The following SOHLH2 variants were observed in gnomAD, a reference collection of about 807,000 sequenced individuals.
SOHLH2 encodes spermatogenesis and oogenesis specific basic helix-loop-helix 2, also known as spermatogenesis- and oogenesis-specific basic helix-loop-helix-containing protein 2.
In SOHLH2, 22 loss-of-function variants were observed where a neutral mutation model predicts 50.4. The ratio of observed to expected loss-of-function variants is 0.44; its 90% CI spans 0.31 to 0.62. SOHLH2 has a LOEUF of 0.62. Ranked by LOEUF, SOHLH2 falls within the 20% of genes least tolerant of loss-of-function variation. The pLI is 0.08. For synonymous variants in SOHLH2, 185 were observed against 187.3 expected, an observed-to-expected ratio of 0.99 and a Z score of 0.10; for missense variants, 412 against 504.4, an observed-to-expected ratio of 0.82 and a Z score of 1.76.
At position 36,174,709 on chromosome 13, in the gene SOHLH2, G is replaced by C. The variant is rs761246246; in HGVS notation, c.789+13C>G. Reference sequence around the variant, plus strand: ...CTATAAGGATAAAATTCAAAGCTTTGGGAGTCAAATACCTGGGCCATAACG... The same window carrying C: ...CTATAAGGATAAAATTCAAAGCTTTCGGAGTCAAATACCTGGGCCATAACG... On this transcript the variant is annotated intron_variant, in intron 7 of 10. Coordinates refer to ENST00000379881, the MANE Select transcript of SOHLH2 (RefSeq NM_017826.3). 6 of 1,594,024 alleles carry C rather than the reference G, an allele frequency of 3.8e-6. No homozygotes were observed. The East Asian group carries it at 1.3e-4, about 36-fold the overall frequency.
At chr13:36,213,953 G>A (rs1424181697) in intron 1 of SOHLH2, among the ~76,000 whole-genome samples, 1 of 151,878 alleles carries the variant, frequency 6.6e-6, no homozygotes, top group Non-Finnish European at 1.5e-5. Flanking sequence ...CAGCCCCAGA[G>A]TGCCTACTAA....
chr13:36,172,594 T>C (rs1356157171), intron 9 of SOHLH2, among the ~76,000 whole-genome samples: 1 of 152,252 alleles, frequency 6.6e-6, no homozygotes. Flanking sequence ...CTTACAAGAC[T>C]GTCTGGGCCA....
intron 1 of SOHLH2, 44 bp downstream of exon 1, chr13:36,214,435 G>A (rs750628690): frequency 6.3e-6 from 10 of 1,598,566 alleles, no homozygotes; most frequent in East Asian, 2.3e-5. Flanking sequence ...GGGCCCGCCC[G>A]CGAGGTTATA....
intron 1 of SOHLH2, among the ~76,000 whole-genome samples, chr13:36,209,560 C>T (rs1318920685): frequency 6.6e-6 from 1 of 152,118 alleles, no homozygotes; most frequent in Non-Finnish European, 1.5e-5. Flanking sequence ...TTTCTTGGGC[C>T]TCTTTTATAA....
chr13:36,184,605 G>A (rs373899965), intron 6 of SOHLH2, among the ~76,000 whole-genome samples: 4 of 151,620 alleles, frequency 2.6e-5, no homozygotes, highest in Admixed American at 6.6e-5. Flanking sequence ...GACTACAGGC[G>A]CCTGCCACCA....
At chr13:36,188,526 A>G (rs1887489400) in intron 6 of SOHLH2, among the ~76,000 whole-genome samples, 1 of 152,158 alleles carries the variant, frequency 6.6e-6, no homozygotes, top group African/African-American at 2.4e-5. Context: ...CATACCAATG[A>G]AATTATTTTT....
rs138680495 is a variant in SOHLH2 at position 36,171,389 on chromosome 13, T to G, written c.1001-602A>C. On this transcript the variant is annotated intron_variant, in intron 9 of 10. Transcript: ENST00000379881. ...ACAGAAAAAGGCAAGCTGATAAGGT[T>G]AAAACATGTCTGTGTTACAGATCAG... 9.4e-3 allele frequency among the ~76,000 whole-genome samples: 1,436 copies of G among 152,336 alleles called. 15 individuals are homozygous for G. Among genetic ancestry groups the G allele is most frequent in the Middle Eastern group, 0.034 (10 of 294 alleles).
chr13:36,185,158 G>C (rs1177732620), intron 6 of SOHLH2, among the ~76,000 whole-genome samples: 2 of 144,204 alleles, frequency 1.4e-5, no homozygotes, highest in African/African-American at 5.0e-5. Flanking sequence ...CATTTTCAAA[G>C]ACTTTTTTTT....
intron 7 of SOHLH2, 58 bp downstream of exon 7, chr13:36,174,664 A>G: frequency 6.3e-7 from 1 of 1,596,650 alleles, no homozygotes. Flanking sequence ...AAGAAGTAAA[A>G]TTGTAGTATT....
chr13:36,191,739 A>G, intron 5 of SOHLH2, 56 bp downstream of exon 5: 1 of 1,605,694 alleles, frequency 6.2e-7, no homozygotes, highest in Non-Finnish European at 8.5e-7. Context: ...CAAAATAGCC[A>G]CAATCAATAA....
At position 36,193,728 on chromosome 13, in the gene SOHLH2, A is replaced by G. The variant is rs765965856; in HGVS notation, c.326-3T>C. On this transcript the variant is annotated splice_polypyrimidine_tract_variant and splice_region_variant and intron_variant, in intron 3 of 10. Transcript: ENST00000379881. ...CATTCCATGCCCTGAAATACAACCT[A>G]AGAATCTTTATATTAAATATTGACC... The G allele has an allele frequency of 1.9e-6, 3 of 1,606,924 alleles. No homozygotes were observed. Among genetic ancestry groups the G allele is most frequent in the Non-Finnish European group, 2.5e-6 (3 of 1,178,352 alleles).
intron 6 of SOHLH2, among the ~76,000 whole-genome samples, chr13:36,176,490 G>A (rs1887099315): frequency 6.6e-6 from 1 of 152,150 alleles, no homozygotes; most frequent in Admixed American, 6.5e-5. Flanking sequence ...GCCTGGGGAA[G>A]TGTTTAAGAT....
intron 1 of SOHLH2, among the ~76,000 whole-genome samples, chr13:36,206,750 A>T (rs1448936189): frequency 6.6e-6 from 1 of 151,918 alleles, no homozygotes; most frequent in Non-Finnish European, 1.5e-5. Flanking sequence ...TTATGAAAGA[A>T]GAGTATCAAA....
chr13:36,201,640 A>T (rs1868423241), intron 2 of SOHLH2, among the ~76,000 whole-genome samples: 1 of 152,074 alleles, frequency 6.6e-6, no homozygotes. Context: ...CTAATTTTTT[A>T]AAATTTTTTG....
chr13:36,173,279 A>C (rs1259183197), intron 9 of SOHLH2, among the ~76,000 whole-genome samples: 1 of 149,006 alleles, frequency 6.7e-6, no homozygotes, highest in Non-Finnish European at 1.5e-5. Flanking sequence ...TATCAAGACA[A>C]ATACAGCAGA....
intron 6 of SOHLH2, among the ~76,000 whole-genome samples, chr13:36,185,767 A>C (rs1438379546): frequency 1.3e-5 from 2 of 152,200 alleles, no homozygotes; most frequent in East Asian, 3.8e-4. Context: ...TAAATGGACA[A>C]ATTTCTTGAA....
chr13:36,175,012 G>A, intron 6 of SOHLH2, 143 bp from the exon 7 acceptor site: 1 of 1,251,564 alleles, frequency 8.0e-7, no homozygotes, highest in Admixed American at 3.5e-5. Context: ...GAAAGGCTGT[G>A]TCCCCACAAG....
rs1469790454 is a variant in SOHLH2, at chr13:36,169,001, G to T, written c.*33C>A. ...TAGATTGTCAAACTGCGCCCAGTAG[G>T]TGGTTGAGAGTGTGAATTTCAAACA... is the stretch of plus-strand genomic sequence containing the variant. On this transcript the variant is annotated 3_prime_UTR_variant, in exon 11 of 11. Coordinates refer to ENST00000379881, the MANE Select transcript of SOHLH2 (RefSeq NM_017826.3). 1 of 1,600,598 alleles carries T rather than the reference G, an allele frequency of 6.2e-7. No homozygotes were observed. Among genetic ancestry groups the T allele is most frequent in the Non-Finnish European group, 8.5e-7 (1 of 1,175,750 alleles).
intron 6 of SOHLH2, among the ~76,000 whole-genome samples, chr13:36,178,850 G>T (rs1416368340): frequency 6.8e-6 from 1 of 147,446 alleles, no homozygotes. Context: ...TTGTTCCTAA[G>T]TATCCTAAAG....
Sources: allele counts gnomAD v4.1 joint callset (sites outside exome capture counted in the v4.1 genomes callset), GRCh38; gene constraint gnomAD v4.1.1; transcripts MANE v1.5; gene names NCBI Gene and HGNC (gene_info 2026-07-23, HGNC 2026-07-21).